SLC38A1: variants seen among roughly 807,000 people sequenced by gnomAD.
The protein encoded by SLC38A1 is solute carrier family 38 member 1, also known as sodium-coupled neutral amino acid symporter 1.
SLC38A1 carries 18 observed loss-of-function variants against 60.3 expected under a neutral mutation model. The ratio of observed to expected loss-of-function variants is 0.30; its 90% CI spans 0.21 to 0.44. The LOEUF is 0.44. Among genes scored for constraint, SLC38A1 ranks in the 20% least tolerant of loss-of-function variants. The pLI, the probability that SLC38A1 is intolerant of heterozygous loss-of-function variation, is 1.00. For missense variants in SLC38A1, 448 were observed against 587.2 expected (o/e 0.76, Z 2.45); for synonymous variants, 196 against 212.1 (o/e 0.92, Z 0.66).
At chr12:46,246,923 G>A (rs1941641278) in intron 1 of SLC38A1, among the ~76,000 whole-genome samples, 1 of 152,210 alleles carries the variant, frequency 6.6e-6, no homozygotes, top group Non-Finnish European at 1.5e-5. Flanking sequence ...AATTCCAACA[G>A]ACCTGCAGCT....
Position 46,184,739 on chromosome 12 carries a change from T to A in SLC38A1, c.*4231A>T, listed in dbSNP as rs1455414149. On this transcript the variant is annotated 3_prime_UTR_variant, in exon 17 of 17. Coordinates refer to ENST00000398637, the MANE Select transcript of SLC38A1 (RefSeq NM_030674.4). ...ACACTGGAGAACTTCTGACACAAAT[T>A]CAGTATTTCTTCTAAGTCTGCATTT... The A allele has an allele frequency of 6.6e-6, 1 of 152,190 alleles. No individual in the cohort carries two copies. The highest frequency in any genetic ancestry group is 1.5e-5 in the Non-Finnish European group (1 of 68,028). The allele number at this position is 152,190 out of a possible 1,614,324, so 9.4% of individuals were successfully genotyped here.
intron 5 of SLC38A1, among the ~76,000 whole-genome samples, chr12:46,210,481 G>A (rs1165426816): frequency 6.6e-6 from 1 of 152,200 alleles, no homozygotes; most frequent in Non-Finnish European, 1.5e-5. Context: ...GATTGGTAAG[G>A]AAGTACATTC....
In SLC38A1 at chr12:46,197,743, C is replaced by T. The variant is rs368999478; in HGVS notation, c.1339G>A (p.Asp447Asn). 61 of 1,599,544 alleles carry T rather than the reference C, an allele frequency of 3.8e-5. No individual in the cohort carries two copies. Among genetic ancestry groups the T allele is most frequent in the Admixed American group, 1.3e-4 (7 of 55,938 alleles). Residue 447 changes from aspartate to asparagine, a missense_variant, in exon 16 of 17, where the codon GAT becomes AAT. Asp to Asn is a conservative substitution (Grantham distance 23, BLOSUM62 1). Coordinates refer to ENST00000398637, the MANE Select transcript of SLC38A1 (RefSeq NM_030674.4). ...ACCCAAATTCTTTGAGTTCCTTTAT[C>T]TCCATCCTGGTCTGTGATTTTTAAA... ...LYLKITDQDG[D>N]KGTQRIWAAL...
intron 3 of SLC38A1, among the ~76,000 whole-genome samples, chr12:46,231,380 T>C (rs1941071743): frequency 6.6e-6 from 1 of 152,196 alleles, no homozygotes; most frequent in Non-Finnish European, 1.5e-5. Context: ...TTCACCACTA[T>C]GTATTATATT....
intron 16 of SLC38A1, chr12:46,196,316 G>A (rs1229418673): frequency 1.3e-6 from 2 of 1,533,166 alleles, no homozygotes; most frequent in Non-Finnish European, 1.7e-6. Flanking sequence ...TGACATGGCT[G>A]CACATGGCAT....
At chr12:46,202,984 GAT>G (rs1565756100) in intron 12 of SLC38A1, 24 bp downstream of exon 12, 40 of 1,578,128 alleles carry the variant, frequency 2.5e-5, no homozygotes, top group Non-Finnish European at 2.8e-5. Context: ...AAACGATTAA[GAT>G]AAAAAATTAA....
chr12:46,250,405 G>T (rs1941794473), intron 1 of SLC38A1, among the ~76,000 whole-genome samples: 1 of 152,182 alleles, frequency 6.6e-6, no homozygotes, highest in Admixed American at 6.5e-5. Flanking sequence ...CAAACTGGAA[G>T]CATTCCCTTT....
In SLC38A1 at chr12:46,239,641, C is replaced by T. The variant is rs769940671; in HGVS notation, c.122+38G>A. Reference sequence around the variant, plus strand: ...TACAGGTGTGAGCCACGAGCCATTTCTTTCACTGGATAGAAATGTTAGTGG... The same window carrying T: ...TACAGGTGTGAGCCACGAGCCATTTTTTTCACTGGATAGAAATGTTAGTGG... On this transcript the variant is annotated intron_variant, in intron 3 of 16. Coordinates refer to ENST00000398637, the MANE Select transcript of SLC38A1 (RefSeq NM_030674.4). 6.2e-6 allele frequency: 10 copies of T among 1,610,684 alleles called. No individual in the cohort carries two copies. The South Asian group carries it at 9.9e-5, about 16-fold the overall frequency.
chr12:46,221,062 T>C (rs1426824685), intron 5 of SLC38A1, among the ~76,000 whole-genome samples: 1 of 152,182 alleles, frequency 6.6e-6, no homozygotes, highest in African/African-American at 2.4e-5. Flanking sequence ...CAGAGACCCT[T>C]ATATTTTTCG....
rs558054221 is a variant in SLC38A1 at position 46,220,542 on chromosome 12, G to C, written c.314+8611C>G. 5.1e-4 allele frequency among the ~76,000 whole-genome samples: 78 copies of C among 152,250 alleles called. 2 individuals are homozygous for C. The highest frequency in any genetic ancestry group is 1.8e-3 in the African/African-American group (74 of 41,546). On this transcript the variant is annotated intron_variant, in intron 5 of 16. Coordinates refer to ENST00000398637, the MANE Select transcript of SLC38A1 (RefSeq NM_030674.4). ...GTCTTTAGATCACAAGATCCAGTTT[G>C]GTATTTCCTAAGGAGGCAAAGAACT... is the stretch of plus-strand genomic sequence containing the variant.
chr12:46,218,599 C>T (rs1188210162), intron 5 of SLC38A1, among the ~76,000 whole-genome samples: 1 of 152,014 alleles, frequency 6.6e-6, no homozygotes, highest in Admixed American at 6.6e-5. Flanking sequence ...GTTTTGTAGT[C>T]GCCCAATGGG....
At chr12:46,195,395 G>T (rs1028704223) in intron 16 of SLC38A1, among the ~76,000 whole-genome samples, 3 of 152,212 alleles carry the variant, frequency 2.0e-5, no homozygotes, top group Non-Finnish European at 2.9e-5. Context: ...CTACATGGGG[G>T]TCAGGGACCT....
At chr12:46,196,005 G>A in intron 16 of SLC38A1, 1 of 754,718 alleles carries the variant, frequency 1.3e-6, no homozygotes, top group East Asian at 3.1e-5. Context: ...ACCTCAGTTG[G>A]AAATGCAGAA....
chr12:46,252,996 GAAAAA>G (rs71437760), intron 1 of SLC38A1, among the ~76,000 whole-genome samples: 1 of 107,212 alleles, frequency 9.3e-6, no homozygotes, highest in Non-Finnish European at 1.9e-5. Context: ...ATCTTTTTTT[GAAAAA>G]AAAAAAAAAA....
chr12:46,185,450 A>G lies in SLC38A1; in HGVS notation c.*3520T>C, dbSNP rs1938902631. 6.6e-6 allele frequency: 1 copy of G among 152,054 alleles called. No homozygotes were observed. Among genetic ancestry groups the G allele is most frequent in the East Asian group, 1.9e-4 (1 of 5,184 alleles). 9.4% of individuals were successfully genotyped at this position (152,054 alleles called of 1,614,324 possible). On this transcript the variant is annotated 3_prime_UTR_variant, in exon 17 of 17. Coordinates refer to ENST00000398637, the MANE Select transcript of SLC38A1 (RefSeq NM_030674.4). ...TTTCTCAACAGGGTCTGTAACTGTA[A>G]AAAAGGAAAGTGGGTGGAGAGGTTT...
Position 46,209,103 on chromosome 12 carries a change from C to A in SLC38A1, c.339G>T (p.Leu113Phe). The A allele has an allele frequency of 6.2e-7, 1 of 1,610,528 alleles. No homozygotes were observed. The highest frequency in any genetic ancestry group is 8.5e-7 in the Non-Finnish European group (1 of 1,177,502). ...LFLVLLTSVT[L>F]LSIYSINLLL... ...GGAGGTTTATTGAATATATAGACAG[C>A]AATGTCACTGAAGTCAAAAGTACCC... The change falls in exon 6 of 17, where the codon TTG (leucine) becomes TTT (phenylalanine). Residue 113 changes from leucine to phenylalanine, a missense_variant. Transcript: ENST00000398637.
At chr12:46,207,474 G>A (rs370640736) in intron 7 of SLC38A1, 55 bp downstream of exon 7, 35 of 1,476,256 alleles carry the variant, frequency 2.4e-5, no homozygotes, top group African/African-American at 1.1e-4. Flanking sequence ...TCATGTGGCC[G>A]CTCATCCACC....
intron 16 of SLC38A1, among the ~76,000 whole-genome samples, chr12:46,191,706 G>A (rs1376964501): frequency 1.3e-5 from 2 of 152,172 alleles, no homozygotes; most frequent in Non-Finnish European, 2.9e-5. Flanking sequence ...ATGTGAATGG[G>A]ATTTCACTCA....
intron 1 of SLC38A1, among the ~76,000 whole-genome samples, chr12:46,249,667 C>T (rs923885167): frequency 6.6e-6 from 1 of 152,090 alleles, no homozygotes; most frequent in South Asian, 2.1e-4. Context: ...CACCACCAAT[C>T]CCACAGAAAT....
Sources: gnomAD v4.1 joint callset for allele counts (sites outside exome capture counted in the v4.1 genomes callset) on GRCh38, gnomAD v4.1.1 for gene constraint, MANE v1.5 for transcripts, NCBI Gene and HGNC (gene_info 2026-07-23, HGNC 2026-07-21) for gene names.